GRAMD1B: variants seen among roughly 807,000 people sequenced by gnomAD.
The protein encoded by GRAMD1B is protein Aster-B.
GRAMD1B carries 37 observed loss-of-function variants against 99.7 expected under a neutral mutation model. The observed-to-expected ratio is 0.37, with a 90% CI of 0.29 to 0.49. The LOEUF is 0.49. Among genes scored for constraint, GRAMD1B ranks in the 20% least tolerant of loss-of-function variants. The probability of loss-of-function intolerance (pLI) is 0.98; values close to 1 mark genes in which losing one functional copy is unlikely to be tolerated. For missense variants in GRAMD1B, 888 were observed against 1,009.2 expected (o/e 0.88, Z 1.63); for synonymous variants, 427 against 387.6 (o/e 1.10, Z -1.19).
At chr11:123,550,408 C>G (rs147395935) in intron 2 of GRAMD1B, among the ~76,000 whole-genome samples, 239 of 152,304 alleles carry the variant, frequency 1.6e-3, no homozygotes, top group African/African-American at 5.6e-3. Flanking sequence ...CACACCCACA[C>G]ACACTGACAC....
chr11:123,381,533 G>A (rs543205010), intron 1 of GRAMD1B: 14 of 153,500 alleles, frequency 9.1e-5, no homozygotes, highest in Admixed American at 5.9e-4. Context: ...TGTATGCCCG[G>A]TCTTTATATG....
At chr11:123,557,701 A>G (rs1216731472) in intron 2 of GRAMD1B, among the ~76,000 whole-genome samples, 1 of 152,228 alleles carries the variant, frequency 6.6e-6, no homozygotes, top group Non-Finnish European at 1.5e-5. Flanking sequence ...CAGAAGAAGT[A>G]ATTGATAGGA....
chr11:123,466,436 AAGAAAGAAAGAAAG>A (rs1438549100), intron 1 of GRAMD1B, among the ~76,000 whole-genome samples: 42 of 146,354 alleles, frequency 2.9e-4, no homozygotes, highest in African/African-American at 1.0e-3. Context: ...GAAAGAAAGG[AAGAAAGAAAGAAAG>A]AGAAAGAAAG....
chr11:123,414,050 T>TA (rs1948144220), intron 1 of GRAMD1B, among the ~76,000 whole-genome samples: 1 of 151,380 alleles, frequency 6.6e-6, no homozygotes, highest in African/African-American at 2.4e-5. Flanking sequence ...CATCATCATT[T>TA]TTTTTTTTTT....
Position 123,442,724 on chromosome 11 carries a change from C to T in GRAMD1B, c.374+11558C>T, listed in dbSNP as rs192565571. Among the ~76,000 whole-genome samples the T allele has an allele frequency of 2.3e-4, 35 of 152,126 alleles. No homozygotes were observed. In the East Asian group the frequency reaches 4.4e-3, roughly 19 times the overall value. Reference sequence around the variant, plus strand: ...GGTGGAGGTTGCAGTGAGCCGAGATCGCACCACTGCACTCCAGCTTGGTGA... The same window carrying T: ...GGTGGAGGTTGCAGTGAGCCGAGATTGCACCACTGCACTCCAGCTTGGTGA... On this transcript the variant is annotated intron_variant, in intron 1 of 19. Coordinates refer to ENST00000635736, the MANE Select transcript of GRAMD1B (RefSeq NM_001387025.1).
upstream of GRAMD1B, among the ~76,000 whole-genome samples, chr11:123,428,168 C>T (rs537043303): frequency 1.2e-3 from 184 of 152,248 alleles, no homozygotes; most frequent in African/African-American, 4.1e-3. Flanking sequence ...GTCAAGAGCC[C>T]GCCCAAAACT....
intron 1 of GRAMD1B, among the ~76,000 whole-genome samples, chr11:123,439,137 A>C (rs1046797822): frequency 8.5e-5 from 13 of 152,088 alleles, no homozygotes; most frequent in African/African-American, 3.1e-4. Context: ...GGGGGTGGGA[A>C]TCTATGAGCT....
chr11:123,473,254 G>T (rs1317655237), intron 1 of GRAMD1B, among the ~76,000 whole-genome samples: 1 of 152,016 alleles, frequency 6.6e-6, no homozygotes, highest in Non-Finnish European at 1.5e-5. Flanking sequence ...AGTAGAGACG[G>T]GGTTTCACCA....
chr11:123,543,954 T>G (rs921886051), intron 2 of GRAMD1B, among the ~76,000 whole-genome samples: 1 of 152,234 alleles, frequency 6.6e-6, no homozygotes, highest in Non-Finnish European at 1.5e-5. Flanking sequence ...TCCGGCCCTT[T>G]GCAGAAAAAG....
At position 123,608,924 on chromosome 11, in the gene GRAMD1B, C is replaced by G. The variant is rs946841698; in HGVS notation, c.1657+122C>G. On this transcript the variant is annotated intron_variant, in intron 12 of 19. Transcript: ENST00000635736. Reference sequence around the variant, plus strand: ...CACACACCCTCCTTCCCTCGGCCACCTCAGGGCCCAGACACCCTCTCTCCA... The same window carrying G: ...CACACACCCTCCTTCCCTCGGCCACGTCAGGGCCCAGACACCCTCTCTCCA... 3 of 720,848 alleles carry G rather than the reference C, an allele frequency of 4.2e-6. No homozygotes were observed. The African/African-American group carries it at 5.4e-5, about 13-fold the overall frequency. The allele number at this position is 720,848 out of a possible 1,614,324, so 44.7% of individuals were successfully genotyped here.
At chr11:123,616,408 T>C (rs945522106) in intron 17 of GRAMD1B, among the ~76,000 whole-genome samples, 1 of 152,252 alleles carries the variant, frequency 6.6e-6, no homozygotes, top group African/African-American at 2.4e-5. Context: ...CATGCCATTG[T>C]TCTGTTAAAT....
intron 2 of GRAMD1B, among the ~76,000 whole-genome samples, chr11:123,553,287 G>C (rs547244229): frequency 1.1e-4 from 17 of 152,342 alleles, no homozygotes; most frequent in African/African-American, 4.1e-4. Flanking sequence ...ATTTGGATAA[G>C]ATTAAAAGAA....
intron 1 of GRAMD1B, among the ~76,000 whole-genome samples, chr11:123,480,389 C>T (rs980573947): frequency 6.6e-6 from 1 of 152,084 alleles, no homozygotes; most frequent in African/African-American, 2.4e-5. Flanking sequence ...TCCCACACAT[C>T]TCACACCCTC....
In GRAMD1B at chr11:123,510,674, C is replaced by T. The variant is rs145548059; in HGVS notation, c.452+29781C>T. 8.1e-4 allele frequency among the ~76,000 whole-genome samples: 124 copies of T among 152,274 alleles called. 1 individual carries two copies. Among genetic ancestry groups the T allele is most frequent in the Middle Eastern group, 3.4e-3 (1 of 294 alleles). ...TTAGGCCAAGCAGAGATCATGGAGC[C>T]GGCTGACATGGCGACAGCAAAGGTA... On this transcript the variant is annotated intron_variant, in intron 2 of 19. Coordinates refer to ENST00000635736, the MANE Select transcript of GRAMD1B (RefSeq NM_001387025.1). The surrounding 1 kb of genome is among the most constrained non-coding windows in gnomAD (Gnocchi z 4.3).
chr11:123,613,753 C>A, intron 16 of GRAMD1B, 95 bp downstream of exon 16: 1 of 817,488 alleles, frequency 1.2e-6, no homozygotes, highest in Admixed American at 2.5e-5. Flanking sequence ...CATTTTGCAC[C>A]TTGGCTATAA....
chr11:123,415,095 C>CT (rs1175202539), intron 1 of GRAMD1B, among the ~76,000 whole-genome samples: 11,724 of 75,886 alleles, frequency 0.15, 2,228 homozygotes, highest in Middle Eastern at 0.19. Context: ...CTTTTTCTTT[C>CT]TTTTTTTTTT....
At chr11:123,433,680 G>A (rs372111036) in intron 1 of GRAMD1B, among the ~76,000 whole-genome samples, 1 of 5,474 alleles carries the variant, frequency 1.8e-4, no homozygotes, top group African/African-American at 4.8e-4. Flanking sequence ...TGTTACGTGC[G>A]TGTGTGTGTG....
intron 1 of GRAMD1B, among the ~76,000 whole-genome samples, chr11:123,369,490 A>G (rs570524489): frequency 6.6e-6 from 1 of 152,298 alleles, no homozygotes; most frequent in South Asian, 2.1e-4. Context: ...TGTAGAAGGA[A>G]GAATGAAAGG....
chr11:123,540,869 T>C (rs1020622141), intron 2 of GRAMD1B, among the ~76,000 whole-genome samples: 1 of 152,218 alleles, frequency 6.6e-6, no homozygotes, highest in African/African-American at 2.4e-5. Flanking sequence ...ATCACAAACA[T>C]GCATCCCTAT....
Sources: allele counts gnomAD v4.1 joint callset (sites outside exome capture counted in the v4.1 genomes callset), GRCh38; gene constraint gnomAD v4.1.1; non-coding constraint Gnocchi (gnomAD v3.1); transcripts MANE v1.5; gene names NCBI Gene and HGNC (gene_info 2026-07-23, HGNC 2026-07-21).